The following CDH6 variants were observed in gnomAD, a reference collection of about 807,000 sequenced individuals.
CDH6 encodes cadherin 6.
A neutral mutation model predicts 78.0 loss-of-function variants in CDH6; 31 were observed. The ratio of observed to expected loss-of-function variants is 0.40; its 90% CI spans 0.30 to 0.54. The LOEUF (loss-of-function observed/expected upper bound fraction) is 0.54. CDH6 is among the 20% of genes least tolerant of loss of function. The pLI is 0.56. For missense variants in CDH6, 724 were observed against 975.9 expected, an observed-to-expected ratio of 0.74 and a Z score of 3.44; for synonymous variants, 376 against 368.8, an observed-to-expected ratio of 1.02 and a Z score of -0.23.
At position 31,325,465 on chromosome 5, in the gene CDH6, T is replaced by C. The variant is rs1721011529; in HGVS notation, c.*2157T>C. 1 of 231,706 alleles carries C rather than the reference T, an allele frequency of 4.3e-6. No individual in the cohort carries two copies. The highest frequency in any genetic ancestry group is 2.2e-5 in the African/African-American group (1 of 45,396). The allele number at this position is 231,706 out of a possible 1,614,324, so 14.4% of individuals were successfully genotyped here. On this transcript the variant is annotated 3_prime_UTR_variant, in exon 12 of 12. Coordinates refer to ENST00000265071, the MANE Select transcript of CDH6 (RefSeq NM_004932.4). ...AGTAAAGTTAGAAGCTACTTACTCA[T>C]AGCAATAGAACAGCACCTTAATCAC...
At position 31,328,138 on chromosome 5, in the gene CDH6, A is replaced by G. The variant is rs1378985642; in HGVS notation, c.*4830A>G. On this transcript the variant is annotated 3_prime_UTR_variant, in exon 12 of 12. Transcript: ENST00000265071. ...AGCCGAGGAGCCACTGGGTTATTAG[A>G]TTAATTTCAAAAGAGCTTTTACAAG... 1 of 179,034 alleles carries G rather than the reference A, an allele frequency of 5.6e-6. No homozygotes were observed. The highest frequency in any genetic ancestry group is 6.5e-5 in the Admixed American group (1 of 15,500). 11.1% of individuals were successfully genotyped at this position (179,034 alleles called of 1,614,324 possible).
rs1361777859 is a variant in CDH6, at chr5:31,294,876, T to G, written c.523+620T>G. 6.6e-6 allele frequency among the ~76,000 whole-genome samples: 1 copy of G among 152,226 alleles called. No homozygotes were observed. Among genetic ancestry groups the G allele is most frequent in the African/African-American group, 2.4e-5 (1 of 41,462 alleles). Reference sequence around the variant, plus strand: ...TTTTAAATAACTAGTGGATTTAATTTGTTTAAATTGAGAGAAGTAAACAGG... The same window carrying G: ...TTTTAAATAACTAGTGGATTTAATTGGTTTAAATTGAGAGAAGTAAACAGG... On this transcript the variant is annotated intron_variant, in intron 3 of 11. Coordinates refer to ENST00000265071, the MANE Select transcript of CDH6 (RefSeq NM_004932.4). The surrounding 1 kb of genome is among the most constrained non-coding windows in gnomAD (Gnocchi z 4.1).
At chr5:31,202,138 T>C (rs956401621) in intron 1 of CDH6, among the ~76,000 whole-genome samples, 1 of 152,162 alleles carries the variant, frequency 6.6e-6, no homozygotes, top group African/African-American at 2.4e-5. Flanking sequence ...GAACTTTGTA[T>C]AATTGTAGAC....
intron 1 of CDH6, among the ~76,000 whole-genome samples, chr5:31,234,531 T>C (rs1741399666): frequency 6.6e-6 from 1 of 152,304 alleles, no homozygotes; most frequent in Admixed American, 6.5e-5. Context: ...CAGCATCCTA[T>C]ACAGCTGATA....
At position 31,242,708 on chromosome 5, in the gene CDH6, G is replaced by GGC. The variant is rs1554005345; in HGVS notation, c.-128-24637_-128-24636insCG. On this transcript the variant is annotated intron_variant, in intron 1 of 11. Coordinates refer to ENST00000265071, the MANE Select transcript of CDH6 (RefSeq NM_004932.4). Reference sequence around the variant, plus strand: ...TTCTCTACAGAATAAGAATGGGGGGGGGCGGTTAGAAGAAAATATATACCA... The same window carrying GGC: ...TTCTCTACAGAATAAGAATGGGGGGGGCGGCGGTTAGAAGAAAATATATACCA... 4.7e-5 allele frequency among the ~76,000 whole-genome samples: 7 copies of GGC among 150,438 alleles called. No homozygotes were observed. In the East Asian group the frequency reaches 1.4e-3, roughly 30 times the overall value.
intron 1 of CDH6, among the ~76,000 whole-genome samples, chr5:31,244,023 A>C (rs60429448): frequency 0.016 from 2,498 of 152,288 alleles, 77 homozygotes; most frequent in African/African-American, 0.057. Flanking sequence ...TGGCCAAATC[A>C]AACTCCAAAA....
rs60543109 is a variant in CDH6 at position 31,210,076 on chromosome 5, T to TTGTGTGTGTGTGTGTGTGTGTGTGTG, written c.-129+16198_-129+16223dup. Among the ~76,000 whole-genome samples the TTGTGTGTGTGTGTGTGTGTGTGTGTG allele has an allele frequency of 1.2e-4, 18 of 146,566 alleles. No individual in the cohort carries two copies. The South Asian group carries it at 1.6e-3, about 13-fold the overall frequency. ...ATTCTTGGGACCAGCTTTTCTTAAATTGTGTGTGTGTGTGTGTGTGTGTGT... is the reference window on the plus strand; with the variant it reads ...ATTCTTGGGACCAGCTTTTCTTAAATTGTGTGTGTGTGTGTGTGTGTGTGTGTGTGTGTGTGTGTGTGTGTGTGTGT... On this transcript the variant is annotated intron_variant, in intron 1 of 11. Transcript: ENST00000265071.
At chr5:31,211,005 A>G (rs1740690231) in intron 1 of CDH6, among the ~76,000 whole-genome samples, 1 of 152,222 alleles carries the variant, frequency 6.6e-6, no homozygotes, top group Non-Finnish European at 1.5e-5. Context: ...GGTTACCTGC[A>G]AAATGACAAT....
chr5:31,281,386 T>C (rs140572663), intron 2 of CDH6, among the ~76,000 whole-genome samples: 14 of 152,144 alleles, frequency 9.2e-5, no homozygotes, highest in African/African-American at 3.1e-4. Context: ...TTTTTGGTGA[T>C]TGCTGAAGAG....
intron 8 of CDH6, among the ~76,000 whole-genome samples, chr5:31,316,002 G>A (rs1476258935): frequency 6.6e-6 from 1 of 152,150 alleles, no homozygotes; most frequent in East Asian, 1.9e-4. Context: ...TGTCACCCAT[G>A]TATCTCTAAC....
rs1277083026 is a variant in CDH6 at position 31,326,412 on chromosome 5, T to G, written c.*3104T>G. ...ACTTCTGAAAGGCCTAAAAAACATT[T>G]GTGCCCAAATAAGTAAATAAACCAA... On this transcript the variant is annotated 3_prime_UTR_variant, in exon 12 of 12. Transcript: ENST00000265071. The G allele has an allele frequency of 4.8e-6, 1 of 207,112 alleles. No homozygotes were observed. The highest frequency in any genetic ancestry group is 9.8e-6 in the Non-Finnish European group (1 of 101,622). The allele number at this position is 207,112 out of a possible 1,614,324, so 12.8% of individuals were successfully genotyped here.
At chr5:31,301,534 A>G (rs1030020994) in intron 5 of CDH6, among the ~76,000 whole-genome samples, 1 of 152,202 alleles carries the variant, frequency 6.6e-6, no homozygotes, top group African/African-American at 2.4e-5. Flanking sequence ...AATAAAATTT[A>G]AGAGTCAAAA....
chr5:31,218,036 T>G (rs1250648904), intron 1 of CDH6, among the ~76,000 whole-genome samples: 1 of 152,176 alleles, frequency 6.6e-6, no homozygotes, highest in East Asian at 1.9e-4. Context: ...TAAAGTCTAT[T>G]AAGTTAATTT....
At chr5:31,315,303 G>A (rs552976217) in intron 8 of CDH6, among the ~76,000 whole-genome samples, 1 of 152,076 alleles carries the variant, frequency 6.6e-6, no homozygotes, top group East Asian at 1.9e-4. Flanking sequence ...TCTTTGTTAT[G>A]TTTCCTACGT....
chr5:31,279,693 G>C (rs1364274580), intron 2 of CDH6, among the ~76,000 whole-genome samples: 4 of 152,110 alleles, frequency 2.6e-5, no homozygotes, highest in African/African-American at 7.2e-5. Flanking sequence ...CTTCATGTTG[G>C]GGAGGCTGAG....
At chr5:31,310,100 C>G (rs1738104959) in intron 7 of CDH6, among the ~76,000 whole-genome samples, 1 of 152,178 alleles carries the variant, frequency 6.6e-6, no homozygotes, top group South Asian at 2.1e-4. Context: ...AAAGTTTCAT[C>G]CAAGACAAGA....
rs757216983 is a variant in CDH6, at chr5:31,313,413, C to G, written c.1349C>G (p.Thr450Arg). Reference protein sequence around the residue: ...IFTSKLLDRETLLWHNITVIA... With the variant: ...IFTSKLLDRERLLWHNITVIA... ...ACATCGAAACTTCTTGACCGAGAAA[C>G]ACTGCTATGGCACAACATTACAGTG... The change falls in exon 8 of 12, where the codon ACA becomes AGA. Residue 450 changes from threonine to arginine, a missense_variant. This residue lies in a region of CDH6 where 446 missense variants were observed against 684.5 expected (regional missense o/e 0.65). Transcript: ENST00000265071. The G allele has an allele frequency of 1.2e-6, 2 of 1,613,938 alleles. No homozygotes were observed. The highest frequency in any genetic ancestry group is 1.7e-6 in the Non-Finnish European group (2 of 1,179,856).
chr5:31,271,252 GAGTA>G lies in CDH6; in HGVS notation c.228+3555_228+3558del, dbSNP rs142078351. On this transcript the variant is annotated intron_variant, in intron 2 of 11. Transcript: ENST00000265071. The stretch of plus-strand genomic sequence containing the variant: ...TAGGATGGTGGAGTGAGGAAAATGA[GAGTA>G]AGTGAGGGAAACAAAAGGCTTTCAG... 5.8e-3 allele frequency among the ~76,000 whole-genome samples: 889 copies of G among 152,256 alleles called. 7 individuals carry two copies. The highest frequency in any genetic ancestry group is 0.021 in the African/African-American group (853 of 41,552).
At chr5:31,293,139 T>C (rs1435281878) in intron 2 of CDH6, among the ~76,000 whole-genome samples, 1 of 151,898 alleles carries the variant, frequency 6.6e-6, no homozygotes, top group Non-Finnish European at 1.5e-5. Flanking sequence ...GTCATCAGAG[T>C]CTCTGCTTGA....
Sources: allele counts gnomAD v4.1 joint callset (sites outside exome capture counted in the v4.1 genomes callset), GRCh38; gene constraint gnomAD v4.1.1; regional missense constraint gnomAD v4.1.1; non-coding constraint Gnocchi (gnomAD v3.1); transcripts MANE v1.5; gene names NCBI Gene and HGNC (gene_info 2026-07-23, HGNC 2026-07-21).